SLC6A11: variants seen among roughly 807,000 people sequenced by gnomAD.
The protein encoded by SLC6A11 is solute carrier family 6 member 11.
SLC6A11 carries 25 observed loss-of-function variants against 74.8 expected under a neutral mutation model. The observed-to-expected ratio is 0.33, with a 90% CI of 0.24 to 0.47. The LOEUF is 0.47. Among genes scored for constraint, SLC6A11 ranks in the 20% least tolerant of loss-of-function variants. SLC6A11 has a pLI of 1.00. For synonymous variants in SLC6A11, 330 were observed against 330.2 expected (o/e 1.00, Z 0.01); for missense variants, 574 against 837.0 (o/e 0.69, Z 3.88).
intron 4 of SLC6A11, among the ~76,000 whole-genome samples, chr3:10,829,648 A>T (rs1694267644): frequency 1.3e-5 from 2 of 152,186 alleles, no homozygotes; most frequent in Admixed American, 1.3e-4. Context: ...CAACCTGAAG[A>T]GCCTCTGCCT....
At chr3:10,875,443 T>C (rs559145735) in intron 6 of SLC6A11, among the ~76,000 whole-genome samples, 2 of 152,316 alleles carry the variant, frequency 1.3e-5, no homozygotes, top group Admixed American at 1.3e-4. Flanking sequence ...CACCATGATA[T>C]GAAAATATCT....
chr3:10,826,551 T>C (rs572104907), intron 4 of SLC6A11, among the ~76,000 whole-genome samples: 47 of 152,340 alleles, frequency 3.1e-4, no homozygotes, highest in African/African-American at 9.6e-4. Context: ...ATTAAATCAT[T>C]ATTTGTATAA....
rs1027126005 is a variant in SLC6A11 at position 10,918,914 on chromosome 3, C to T, written c.1120+461C>T. On this transcript the variant is annotated intron_variant, in intron 8 of 13. Coordinates refer to ENST00000254488, the MANE Select transcript of SLC6A11 (RefSeq NM_014229.3). The surrounding 1 kb of genome is among the most constrained non-coding windows in gnomAD (Gnocchi z 4.5). ...TGGCTTCTCATAGTGCTGGACTCAG[C>T]GTGGCCACAAAGCCCTGTGTTGCCC... Among the ~76,000 whole-genome samples, 4 of 151,988 alleles carry T rather than the reference C, an allele frequency of 2.6e-5. No homozygotes were observed. The highest frequency in any genetic ancestry group is 4.8e-5 in the African/African-American group (2 of 41,368).
rs554673109 is a variant in SLC6A11, at chr3:10,872,275, A to G, written c.757-2686A>G. Among the ~76,000 whole-genome samples, 12 of 152,328 alleles carry G rather than the reference A, an allele frequency of 7.9e-5. No homozygotes were observed. The South Asian group carries it at 1.4e-3, about 18-fold the overall frequency. ...GGCCTTTGTCATGTGTAAAAAGAAG[A>G]TAATCATGCCTACTCATTCTTGTTG... On this transcript the variant is annotated intron_variant, in intron 5 of 13. Transcript: ENST00000254488.
At chr3:10,853,943 C>T (rs374846727) in intron 5 of SLC6A11, among the ~76,000 whole-genome samples, 2 of 152,178 alleles carry the variant, frequency 1.3e-5, no homozygotes, top group African/African-American at 4.8e-5. Flanking sequence ...CTGCCAGGGC[C>T]CTGGCTTTCT....
intron 5 of SLC6A11, among the ~76,000 whole-genome samples, chr3:10,848,679 G>A (rs185007813): frequency 1.6e-4 from 24 of 152,306 alleles, no homozygotes; most frequent in East Asian, 9.6e-4. Context: ...CCTTGTCTCC[G>A]CAGAGCATGC....
At chr3:10,837,825 G>A (rs185433065) in intron 4 of SLC6A11, among the ~76,000 whole-genome samples, 4 of 152,328 alleles carry the variant, frequency 2.6e-5, no homozygotes, top group East Asian at 1.9e-4. Context: ...GGACTCTGTC[G>A]GAGTCCCCCC....
At chr3:10,927,319 G>C (rs1695622314) in intron 9 of SLC6A11, among the ~76,000 whole-genome samples, 1 of 152,206 alleles carries the variant, frequency 6.6e-6, no homozygotes, top group African/African-American at 2.4e-5. Context: ...GAGTCCCTGG[G>C]CTGAGCTAAA....
intron 4 of SLC6A11, among the ~76,000 whole-genome samples, chr3:10,836,653 T>C (rs1694370925): frequency 6.6e-6 from 1 of 152,256 alleles, no homozygotes; most frequent in Non-Finnish European, 1.5e-5. Context: ...CAAATGTATT[T>C]GTTTCAGGAC....
chr3:10,865,407 T>C (rs554593041), intron 5 of SLC6A11, among the ~76,000 whole-genome samples: 3 of 152,154 alleles, frequency 2.0e-5, no homozygotes, highest in African/African-American at 7.2e-5. Context: ...CTCACACCTG[T>C]AATCCCAGCA....
At chr3:10,839,464 A>C (rs1388336793) in intron 4 of SLC6A11, among the ~76,000 whole-genome samples, 1 of 152,100 alleles carries the variant, frequency 6.6e-6, no homozygotes, top group Non-Finnish European at 1.5e-5. Context: ...TGCCTGCTGG[A>C]GATGCCCCTC....
intron 6 of SLC6A11, among the ~76,000 whole-genome samples, chr3:10,892,253 G>T (rs2106615776): frequency 6.6e-6 from 1 of 152,364 alleles, no homozygotes; most frequent in Non-Finnish European, 1.5e-5. Context: ...GCGCTGGAAA[G>T]CCCTACAGGG....
chr3:10,829,140 G>T (rs1694258344), intron 4 of SLC6A11, among the ~76,000 whole-genome samples: 1 of 152,188 alleles, frequency 6.6e-6, no homozygotes, highest in South Asian at 2.1e-4. Context: ...TCTTTGGAAA[G>T]GTTTTAATGT....
At position 10,927,000 on chromosome 3, in the gene SLC6A11, G is replaced by A. The variant is rs1361478800; in HGVS notation, c.1233+884G>A. ...GGGGCCTCTGCAGGCAAAGCAGTCA[G>A]ACCCCCAGGGAGACACACCCAGCCC... On this transcript the variant is annotated intron_variant, in intron 9 of 13. Coordinates refer to ENST00000254488, the MANE Select transcript of SLC6A11 (RefSeq NM_014229.3). The surrounding 1 kb of genome is among the most constrained non-coding windows in gnomAD (Gnocchi z 5.7). Among the ~76,000 whole-genome samples, 2 of 152,164 alleles carry A rather than the reference G, an allele frequency of 1.3e-5. No individual in the cohort carries two copies. The highest frequency in any genetic ancestry group is 2.9e-5 in the Non-Finnish European group (2 of 68,038).
At chr3:10,837,786 C>T (rs1694385177) in intron 4 of SLC6A11, among the ~76,000 whole-genome samples, 1 of 152,174 alleles carries the variant, frequency 6.6e-6, no homozygotes. Context: ...CTGGCTGAGT[C>T]CCTGGCTTGG....
chr3:10,823,706 C>A, intron 4 of SLC6A11: 1 of 279,942 alleles, frequency 3.6e-6, no homozygotes, highest in Non-Finnish European at 6.9e-6. Context: ...GGAGATGCAG[C>A]CTGTTTGCAA....
intron 6 of SLC6A11, among the ~76,000 whole-genome samples, chr3:10,881,934 G>A (rs934628475): frequency 5.3e-5 from 8 of 152,190 alleles, no homozygotes; most frequent in African/African-American, 1.9e-4. Flanking sequence ...CATTTCTAAA[G>A]GGGACACAGG....
At chr3:10,860,664 T>C (rs1010587601) in intron 5 of SLC6A11, among the ~76,000 whole-genome samples, 2 of 152,222 alleles carry the variant, frequency 1.3e-5, no homozygotes, top group African/African-American at 4.8e-5. Flanking sequence ...GCAGCTTCCA[T>C]GGCGTGCTGG....
intron 4 of SLC6A11, among the ~76,000 whole-genome samples, chr3:10,828,582 G>T (rs2106575426): frequency 1.3e-5 from 2 of 152,272 alleles, no homozygotes; most frequent in African/African-American, 4.8e-5. Context: ...CCTTCTTTCT[G>T]TTCTTTAGAT....
Sources: allele counts gnomAD v4.1 joint callset (sites outside exome capture counted in the v4.1 genomes callset), GRCh38; gene constraint gnomAD v4.1.1; non-coding constraint Gnocchi (gnomAD v3.1); transcripts MANE v1.5; gene names NCBI Gene and HGNC (gene_info 2026-07-23, HGNC 2026-07-21).